The following SH3RF1 variants were observed in gnomAD, a reference collection of about 807,000 sequenced individuals.
SH3RF1 encodes the protein SH3 domain containing ring finger 1.
SH3RF1 carries 32 observed loss-of-function variants against 74.0 expected under a neutral mutation model. That is an observed-to-expected ratio of 0.43 (90% CI 0.33 to 0.58). SH3RF1 has a LOEUF of 0.58. Ranked by LOEUF, SH3RF1 falls within the 20% of genes least tolerant of loss-of-function variation. The pLI, the probability that SH3RF1 is intolerant of heterozygous loss-of-function variation, is 0.05. For missense variants in SH3RF1, 954 were observed against 1,130.9 expected, an observed-to-expected ratio of 0.84 and a Z score of 2.24; for synonymous variants, 396 against 439.6, an observed-to-expected ratio of 0.90 and a Z score of 1.24.
At chr4:169,191,085 A>C (rs557854338) in intron 2 of SH3RF1, among the ~76,000 whole-genome samples, 4 of 152,306 alleles carry the variant, frequency 2.6e-5, no homozygotes, top group Non-Finnish European at 5.9e-5. Flanking sequence ...ATGTAATAAA[A>C]GCCATCTATG....
At chr4:169,138,210 A>G (rs1463331365) in intron 4 of SH3RF1, among the ~76,000 whole-genome samples, 1 of 152,202 alleles carries the variant, frequency 6.6e-6, no homozygotes, top group African/African-American at 2.4e-5. Flanking sequence ...AGCCCAAATG[A>G]AGCAAAGTAA....
chr4:169,158,202 C>T (rs1271741176), intron 2 of SH3RF1, among the ~76,000 whole-genome samples: 6 of 152,076 alleles, frequency 3.9e-5, no homozygotes, highest in East Asian at 1.9e-4. Context: ...ATAGGTCTCT[C>T]GTGTTTGGTG....
At chr4:169,188,887 A>G (rs1344890985) in intron 2 of SH3RF1, among the ~76,000 whole-genome samples, 2 of 152,246 alleles carry the variant, frequency 1.3e-5, no homozygotes, top group African/African-American at 4.8e-5. Context: ...TTGCGTCACT[A>G]AGAAAATAGT....
Position 169,096,361 on chromosome 4 carries a change from G to T in SH3RF1, c.*158C>A. The T allele has an allele frequency of 2.8e-6, 2 of 710,684 alleles. No homozygotes were observed. The highest frequency in any genetic ancestry group is 4.6e-6 in the Non-Finnish European group (2 of 435,548). 44.0% of individuals were successfully genotyped at this position (710,684 alleles called of 1,614,324 possible). On this transcript the variant is annotated 3_prime_UTR_variant, in exon 12 of 12. Transcript: ENST00000284637. ...CCCACACAAACATCTTCTTCATTCT[G>T]CTCGCTGGGGTAACTGTGCTGGGGC...
intron 2 of SH3RF1, among the ~76,000 whole-genome samples, chr4:169,211,929 C>A (rs1174650704): frequency 6.6e-6 from 1 of 151,964 alleles, no homozygotes; most frequent in Non-Finnish European, 1.5e-5. Flanking sequence ...GTCACTGTTA[C>A]ATGTTTTTTC....
chr4:169,268,601 ACTAT>A (rs2110766902), intron 2 of SH3RF1, among the ~76,000 whole-genome samples: 2 of 152,342 alleles, frequency 1.3e-5, no homozygotes, highest in Admixed American at 1.3e-4. Context: ...GATAACAGAG[ACTAT>A]CTAGAGATAA....
chr4:169,219,019 C>T (rs966391531), intron 2 of SH3RF1, among the ~76,000 whole-genome samples: 1 of 152,178 alleles, frequency 6.6e-6, no homozygotes, highest in Non-Finnish European at 1.5e-5. Context: ...CCAAATACAA[C>T]TTCCCAAAAA....
At chr4:169,166,662 C>T (rs1176741294) in intron 2 of SH3RF1, 1 of 203,928 alleles carries the variant, frequency 4.9e-6, no homozygotes, top group African/African-American at 2.3e-5. Context: ...CAGCAAAAAC[C>T]TTCAGTCAGC....
chr4:169,144,612 G>A (rs185986350), intron 4 of SH3RF1, among the ~76,000 whole-genome samples: 12 of 152,246 alleles, frequency 7.9e-5, no homozygotes, highest in Middle Eastern at 3.4e-3. Context: ...ACAAATTCAC[G>A]TGTCTGCATA....
intron 2 of SH3RF1, among the ~76,000 whole-genome samples, chr4:169,175,121 A>G (rs1193879987): frequency 1.3e-5 from 2 of 152,136 alleles, no homozygotes; most frequent in Admixed American, 6.5e-5. Flanking sequence ...CCATTCTTTC[A>G]CATTGCACAT....
intron 5 of SH3RF1, among the ~76,000 whole-genome samples, chr4:169,131,804 G>C (rs935664523): frequency 2.0e-5 from 3 of 152,222 alleles, no homozygotes; most frequent in Non-Finnish European, 4.4e-5. Flanking sequence ...TTCAGCCTCT[G>C]ATTGGTTGCT....
intron 11 of SH3RF1, among the ~76,000 whole-genome samples, chr4:169,101,674 CAAA>C (rs3070770): frequency 2.9e-4 from 25 of 85,748 alleles, no homozygotes; most frequent in African/African-American, 6.9e-4. Flanking sequence ...AAAAAAAAGG[CAAA>C]AAAAAAAAAA....
chr4:169,204,542 T>C (rs1272699249), intron 2 of SH3RF1, among the ~76,000 whole-genome samples: 1 of 145,714 alleles, frequency 6.9e-6, no homozygotes, highest in African/African-American at 2.5e-5. Context: ...TCACATATAT[T>C]ACCTTCTCTT....
At chr4:169,169,954 C>T (rs987220944) in intron 2 of SH3RF1, among the ~76,000 whole-genome samples, 4 of 152,028 alleles carry the variant, frequency 2.6e-5, no homozygotes, top group Non-Finnish European at 5.9e-5. Flanking sequence ...CCTTTATGCT[C>T]TAATTTCTCC....
At chr4:169,254,262 C>T (rs1408482897) in intron 2 of SH3RF1, among the ~76,000 whole-genome samples, 1 of 152,190 alleles carries the variant, frequency 6.6e-6, no homozygotes, top group African/African-American at 2.4e-5. Flanking sequence ...ACTTTTTCCA[C>T]AGTCATGAGC....
At chr4:169,224,674 G>A (rs1730627756) in intron 2 of SH3RF1, among the ~76,000 whole-genome samples, 1 of 152,172 alleles carries the variant, frequency 6.6e-6, no homozygotes, top group South Asian at 2.1e-4. Context: ...CTGGCTCCAG[G>A]GGATAACAGT....
intron 5 of SH3RF1, among the ~76,000 whole-genome samples, chr4:169,135,117 T>G (rs1035269870): frequency 6.6e-6 from 1 of 152,140 alleles, no homozygotes; most frequent in Non-Finnish European, 1.5e-5. Flanking sequence ...GGATGTTCAC[T>G]TGAGGCCAAG....
chr4:169,200,925 A>G (rs955910526), intron 2 of SH3RF1, among the ~76,000 whole-genome samples: 2 of 152,140 alleles, frequency 1.3e-5, no homozygotes, highest in Non-Finnish European at 2.9e-5. Context: ...TGGCCCTTTC[A>G]AAGTAAAATG....
chr4:169,170,046 G>C (rs972745179), intron 2 of SH3RF1, among the ~76,000 whole-genome samples: 8 of 151,554 alleles, frequency 5.3e-5, no homozygotes, highest in Non-Finnish European at 1.0e-4. Context: ...ATAGATTAAT[G>C]GGCAGTTTTA....
Sources: allele counts gnomAD v4.1 joint callset (sites outside exome capture counted in the v4.1 genomes callset), GRCh38; gene constraint gnomAD v4.1.1; transcripts MANE v1.5; gene names NCBI Gene and HGNC (gene_info 2026-07-23, HGNC 2026-07-21).